Variants in CCDC171 observed in about 807,000 individuals in gnomAD.
CCDC171 encodes coiled-coil domain-containing protein 171.
CCDC171 carries 177 observed loss-of-function variants against 168.2 expected under a neutral mutation model. The observed-to-expected ratio is 1.05, with a 90% CI of 0.93 to 1.19. The LOEUF is 1.19. Among genes scored for constraint, CCDC171 ranks in the 50% most tolerant of loss-of-function variants. CCDC171 has a pLI of 0.00. For synonymous variants in CCDC171, 687 were observed against 540.8 expected, an observed-to-expected ratio of 1.27 and a Z score of -3.75; for missense variants, 1,991 against 1,539.0, an observed-to-expected ratio of 1.29 and a Z score of -4.91.
chr9:15,971,619 G>A lies in CCDC171; in HGVS notation c.3764G>A (p.Arg1255Gln), dbSNP rs150617298. The change falls in exon 26 of 26, where the codon CGA (arginine) becomes CAA (glutamine). Residue 1255 changes from arginine to glutamine, a missense_variant. Coordinates refer to ENST00000380701, the MANE Select transcript of CCDC171 (RefSeq NM_173550.4). The part of the protein sequence containing the change: ...ENASLQSIGS[R>Q]DHSNLSIPSR... ...TTTTGTATGTCACAGATAGGATCAC[G>A]AGACCATTCAAATCTCTCCATTCCT... 39 of 1,611,540 alleles carry A rather than the reference G, an allele frequency of 2.4e-5. No individual in the cohort carries two copies. The highest frequency in any genetic ancestry group is 3.2e-5 in the Non-Finnish European group (38 of 1,178,604).
intron 24 of CCDC171, among the ~76,000 whole-genome samples, chr9:15,904,322 G>A (rs1178956419): frequency 6.6e-6 from 1 of 152,150 alleles, no homozygotes; most frequent in East Asian, 1.9e-4. Flanking sequence ...ACTAACAGTG[G>A]ATCTCTCGGC....
At chr9:15,907,109 C>A (rs1414678898) in intron 24 of CCDC171, among the ~76,000 whole-genome samples, 2 of 152,096 alleles carry the variant, frequency 1.3e-5, no homozygotes, top group African/African-American at 4.8e-5. Context: ...TCAATGCCAT[C>A]CCCATCAAGC....
intron 7 of CCDC171, among the ~76,000 whole-genome samples, chr9:15,644,311 G>C (rs1033899634): frequency 6.6e-6 from 1 of 152,186 alleles, no homozygotes; most frequent in Non-Finnish European, 1.5e-5. Context: ...AGCACCCAGC[G>C]TGAGTGATGC....
chr9:16,098,720 G>A, the CCDC171 span, among the ~76,000 whole-genome samples: 1 of 152,300 alleles, frequency 6.6e-6, no homozygotes, highest in East Asian at 1.9e-4. Context: ...TTCACAACCA[G>A]TGTTTTAAAG....
intron 7 of CCDC171, among the ~76,000 whole-genome samples, chr9:15,643,925 T>C (rs1482390589): frequency 1.3e-5 from 2 of 152,250 alleles, no homozygotes; most frequent in Admixed American, 6.5e-5. Context: ...ATTTTCTTGC[T>C]GGATAATATT....
chr9:16,088,092 C>G, the CCDC171 span, among the ~76,000 whole-genome samples: 60 of 152,126 alleles, frequency 3.9e-4, no homozygotes, highest in Non-Finnish European at 3.1e-4. Context: ...AAATGTAATC[C>G]ATAACATAAA....
chr9:16,076,231 A>T, the CCDC171 span, among the ~76,000 whole-genome samples: 1 of 152,156 alleles, frequency 6.6e-6, no homozygotes, highest in Non-Finnish European at 1.5e-5. Flanking sequence ...CTTTTCCAAC[A>T]TGGGACAGGT....
chr9:16,059,622 C>A (rs1168399081), intron 1 of CCDC171, among the ~76,000 whole-genome samples: 1 of 146,500 alleles, frequency 6.8e-6, no homozygotes, highest in African/African-American at 2.5e-5. Context: ...TCACGCCATT[C>A]TCCTGCCTCA....
At chr9:15,794,710 A>T (rs1209113123) in intron 21 of CCDC171, among the ~76,000 whole-genome samples, 1 of 152,238 alleles carries the variant, frequency 6.6e-6, no homozygotes, top group Non-Finnish European at 1.5e-5. Flanking sequence ...TACAGATGGC[A>T]TGTGGTACAC....
At chr9:15,556,686 A>C (rs2038828534) in intron 1 of CCDC171, among the ~76,000 whole-genome samples, 1 of 151,938 alleles carries the variant, frequency 6.6e-6, no homozygotes, top group Non-Finnish European at 1.5e-5. Flanking sequence ...CCCATTCTGT[A>C]GGTTGCCTGT....
chr9:15,861,601 C>T (rs764037540), intron 23 of CCDC171, among the ~76,000 whole-genome samples: 1 of 151,892 alleles, frequency 6.6e-6, no homozygotes, highest in Non-Finnish European at 1.5e-5. Context: ...TTGATAACAA[C>T]TTAACTTTAA....
intron 1 of CCDC171, among the ~76,000 whole-genome samples, chr9:16,052,815 G>A (rs1467009315): frequency 7.5e-6 from 1 of 133,304 alleles, no homozygotes; most frequent in Non-Finnish European, 1.6e-5. Flanking sequence ...ATTACACTTT[G>A]AGAAGTTGTT....
chr9:15,578,784 T>G (rs2040882148), intron 3 of CCDC171, 65 bp from the exon 4 acceptor site: 1 of 1,322,262 alleles, frequency 7.6e-7, no homozygotes, highest in Non-Finnish European at 1.0e-6. Flanking sequence ...CTAAGAAACT[T>G]AAATGTTTGA....
At chr9:15,562,997 G>T (rs2039435484) in intron 1 of CCDC171, among the ~76,000 whole-genome samples, 1 of 152,102 alleles carries the variant, frequency 6.6e-6, no homozygotes, top group Admixed American at 6.5e-5. Flanking sequence ...ATAAAGTGAG[G>T]ATAATAACCC....
rs377594521 is a variant in CCDC171, at chr9:15,662,387, T to C, written c.916-3776T>C. Among the ~76,000 whole-genome samples the C allele has an allele frequency of 5.3e-5, 8 of 152,150 alleles. No homozygotes were observed. In the East Asian group the frequency reaches 1.5e-3, roughly 29 times the overall value. On this transcript the variant is annotated intron_variant, in intron 8 of 25. Transcript: ENST00000380701. ...TTTTTATGGATTAATGTTGAAACAT[T>C]TTCATAGTGTCTTAGGCTTCATTTC...
At chr9:15,915,489 A>C (rs1824370854) in intron 24 of CCDC171, among the ~76,000 whole-genome samples, 1 of 152,060 alleles carries the variant, frequency 6.6e-6, no homozygotes, top group Non-Finnish European at 1.5e-5. Flanking sequence ...ACTTTACTGA[A>C]TTTATCAAAT....
chr9:16,095,575 A>G, the CCDC171 span, among the ~76,000 whole-genome samples: 4,705 of 151,856 alleles, frequency 0.031, 226 homozygotes, highest in African/African-American at 0.1. Context: ...ACATACACAC[A>G]TGTTGAAATA....
At chr9:15,776,363 C>T (rs2057329820) in intron 18 of CCDC171, 1 of 151,954 alleles carries the variant, frequency 6.6e-6, no homozygotes, top group South Asian at 2.1e-4. Context: ...GTCTTTTTTC[C>T]ATGGGACTGT....
At chr9:15,719,445 A>G (rs7867418) in intron 11 of CCDC171, among the ~76,000 whole-genome samples, 5,413 of 62,308 alleles carry the variant, frequency 0.087, 697 homozygotes, top group African/African-American at 0.23. Flanking sequence ...AGAGAGAGAG[A>G]GAAAGTTTAT....
Sources: allele counts gnomAD v4.1 joint callset (sites outside exome capture counted in the v4.1 genomes callset), GRCh38; gene constraint gnomAD v4.1.1; transcripts MANE v1.5; gene names NCBI Gene and HGNC (gene_info 2026-07-23, HGNC 2026-07-21).